The following ABCB1 variants were observed in gnomAD, a reference collection of about 807,000 sequenced individuals.
ABCB1 encodes ATP-dependent translocase ABCB1.
A neutral mutation model predicts 142.0 loss-of-function variants in ABCB1; 69 were observed. The observed-to-expected ratio is 0.49, with a 90% CI of 0.40 to 0.59. The LOEUF is 0.59. Ranked by LOEUF, ABCB1 falls within the 20% of genes least tolerant of loss-of-function variation. The probability of loss-of-function intolerance (pLI) is 0.00; values close to 1 mark genes in which losing one functional copy is unlikely to be tolerated. For synonymous variants in ABCB1, 532 were observed against 539.2 expected, an observed-to-expected ratio of 0.99 and a Z score of 0.18; for missense variants, 1,326 against 1,554.7, an observed-to-expected ratio of 0.85 and a Z score of 2.47.
intron 1 of ABCB1, among the ~76,000 whole-genome samples, chr7:87,692,454 C>T (rs1828104955): frequency 6.6e-6 from 1 of 152,150 alleles, no homozygotes; most frequent in South Asian, 2.1e-4. Flanking sequence ...GAGAACCTGT[C>T]TCTTAAACAA....
chr7:87,555,345 TA>T (rs1817260761), intron 8 of ABCB1, among the ~76,000 whole-genome samples: 1 of 152,160 alleles, frequency 6.6e-6, no homozygotes, highest in East Asian at 1.9e-4. Context: ...TACTTCCATA[TA>T]AAAGTCATAC....
chr7:87,674,352 C>G (rs1411117635), intron 1 of ABCB1, among the ~76,000 whole-genome samples: 1 of 151,980 alleles, frequency 6.6e-6, no homozygotes, highest in Non-Finnish European at 1.5e-5. Flanking sequence ...ATGGCAGGAG[C>G]AGGGTGCTGG....
chr7:87,613,263 T>C lies in ABCB1; in HGVS notation c.-330-12185A>G, dbSNP rs199561439. ...ATTTGAATGTCCTTTATTTCTTTTTTTTTTTTTTTTTTTTTTTTGCCTGAT... is the reference window on the plus strand; with the variant it reads ...ATTTGAATGTCCTTTATTTCTTTTTCTTTTTTTTTTTTTTTTTTGCCTGAT... On this transcript the variant is annotated intron_variant, in intron 1 of 28. Coordinates refer to the ABCB1 transcript ENST00000265724. 4.9e-3 allele frequency among the ~76,000 whole-genome samples: 704 copies of C among 142,646 alleles called. 6 individuals carry two copies. Among genetic ancestry groups the C allele is most frequent in the East Asian group, 0.044 (216 of 4,868 alleles). 93.6% of individuals were successfully genotyped at this position (142,646 alleles called of 152,430 possible). A position where few individuals can be genotyped will look rare whatever the true frequency, so the allele number is the denominator to read the frequency against.
intron 3 of ABCB1, among the ~76,000 whole-genome samples, chr7:87,587,643 G>A (rs530744486): frequency 9.2e-5 from 14 of 152,076 alleles, no homozygotes; most frequent in African/African-American, 3.1e-4. Context: ...AGGCCAAGGC[G>A]GGCAGATCAC....
At chr7:87,584,963 A>C (rs555919766) in intron 4 of ABCB1, among the ~76,000 whole-genome samples, 15 of 147,854 alleles carry the variant, frequency 1.0e-4, no homozygotes, top group African/African-American at 2.6e-4. Flanking sequence ...CCCCCCACAC[A>C]CACACACACA....
At chr7:87,683,576 G>C (rs896740250) in intron 1 of ABCB1, among the ~76,000 whole-genome samples, 2 of 152,180 alleles carry the variant, frequency 1.3e-5, no homozygotes, top group African/African-American at 4.8e-5. Context: ...ATGGCCGGTA[G>C]CTGGAGCATT....
Position 87,566,947 on chromosome 7 carries a change from G to A in ABCB1, c.368C>T (p.Ala123Val), listed in dbSNP as rs759986853. 2 of 1,613,958 alleles carry A rather than the reference G, an allele frequency of 1.2e-6. No homozygotes were observed. Among genetic ancestry groups the A allele is most frequent in the African/African-American group, 1.3e-5 (1 of 74,892 alleles). Residue 123 changes from alanine (A) to valine (V), a missense_variant, in exon 6 of 28, where the codon GCT becomes GTT. By Grantham distance (64) the Ala-to-Val change is moderately conservative (BLOSUM62 0). Transcript: ENST00000622132. ...RYAYYYSGIG[A>V]GVLVAAYIQV... The stretch of plus-strand genomic sequence containing the variant: ...AATGTAAGCAGCAACCAGCACCCCA[G>A]CACCAATTCCACTGTAATAATAGGC...
chr7:87,516,698 C>A lies in ABCB1; in HGVS notation c.2928-33G>T, dbSNP rs1815264955. 1.9e-6 allele frequency: 3 copies of A among 1,551,798 alleles called. No homozygotes were observed. In the East Asian group the frequency reaches 7.4e-5, roughly 38 times the overall value. The stretch of plus-strand genomic sequence containing the variant: ...GCACAAACACAAAACATGTGCACAG[C>A]ATTACCATCACAATGCTAGAAAGCT... On this transcript the variant is annotated intron_variant, in intron 23 of 27. Coordinates refer to ENST00000622132, the MANE Select transcript of ABCB1 (RefSeq NM_001348946.2).
intron 1 of ABCB1, among the ~76,000 whole-genome samples, chr7:87,679,205 G>A (rs1017110958): frequency 2.1e-5 from 3 of 143,946 alleles, no homozygotes; most frequent in African/African-American, 7.9e-5. Flanking sequence ...CCATTCTCCT[G>A]CCTCAGCCTC....
intron 1 of ABCB1, among the ~76,000 whole-genome samples, chr7:87,618,943 T>G (rs1322809496): frequency 2.6e-5 from 4 of 152,120 alleles, no homozygotes; most frequent in African/African-American, 9.7e-5. Flanking sequence ...TACCAACAAC[T>G]TGAATGAGCT....
chr7:87,558,270 GTTAGGTTTAT>G (rs1817391734), intron 8 of ABCB1, among the ~76,000 whole-genome samples: 1 of 152,210 alleles, frequency 6.6e-6, no homozygotes, highest in Non-Finnish European at 1.5e-5. Flanking sequence ...GGCACTGACT[GTTAGGTTTAT>G]TTCCATTTCA....
intron 9 of ABCB1, among the ~76,000 whole-genome samples, chr7:87,551,936 C>T (rs961215809): frequency 1.1e-4 from 16 of 151,854 alleles, no homozygotes; most frequent in African/African-American, 3.6e-4. Context: ...TTAGTAATAA[C>T]TAGTTATATG....
At chr7:87,578,693 T>C (rs974427959) in intron 4 of ABCB1, among the ~76,000 whole-genome samples, 2 of 13,924 alleles carry the variant, frequency 1.4e-4, no homozygotes, top group Admixed American at 1.2e-3. Context: ...GACTACTTTC[T>C]TTTTTTTTTT....
At chr7:87,679,399 T>C (rs531197486) in intron 1 of ABCB1, among the ~76,000 whole-genome samples, 3 of 148,972 alleles carry the variant, frequency 2.0e-5, no homozygotes, top group East Asian at 4.0e-4. Context: ...GGCCCCCAAC[T>C]TTTTTTTAAG....
intron 3 of ABCB1, among the ~76,000 whole-genome samples, chr7:87,594,775 T>A (rs1031685933): frequency 6.6e-6 from 1 of 152,190 alleles, no homozygotes; most frequent in East Asian, 1.9e-4. Context: ...AAGGGAACCA[T>A]AGAGTCCTCA....
At chr7:87,517,771 T>C (rs1815317084) in intron 23 of ABCB1, among the ~76,000 whole-genome samples, 1 of 152,206 alleles carries the variant, frequency 6.6e-6, no homozygotes, top group Admixed American at 6.5e-5. Context: ...ATCTATGACA[T>C]GGGAATCACA....
Position 87,585,846 on chromosome 7 carries a change from A to G in ABCB1, c.118-166T>C, listed in dbSNP as rs28381824. Reference sequence around the variant, plus strand: ...CTTTGCTAAATTATTGCAATAGTCTAATTAGAAATGGACATTTGATTCTTC... The same window carrying G: ...CTTTGCTAAATTATTGCAATAGTCTGATTAGAAATGGACATTTGATTCTTC... On this transcript the variant is annotated intron_variant, in intron 3 of 27. Coordinates refer to ENST00000622132, the MANE Select transcript of ABCB1 (RefSeq NM_001348946.2). 1.8e-3 allele frequency among the ~76,000 whole-genome samples: 280 copies of G among 152,328 alleles called. 2 individuals carry two copies. The highest frequency in any genetic ancestry group is 6.5e-3 in the African/African-American group (272 of 41,572).
At chr7:87,556,173 A>G (rs1291198720) in intron 8 of ABCB1, among the ~76,000 whole-genome samples, 7 of 152,242 alleles carry the variant, frequency 4.6e-5, no homozygotes, top group African/African-American at 1.4e-4. Context: ...GACTAAAGTT[A>G]TATAACAAAA....
At chr7:87,685,523 A>G (rs933846556) in intron 1 of ABCB1, among the ~76,000 whole-genome samples, 3 of 152,192 alleles carry the variant, frequency 2.0e-5, no homozygotes, top group African/African-American at 7.2e-5. Context: ...AAAAATTTCC[A>G]CACACAACAA....
Sources: allele counts gnomAD v4.1 joint callset (sites outside exome capture counted in the v4.1 genomes callset), GRCh38; gene constraint gnomAD v4.1.1; transcripts MANE v1.5; gene names NCBI Gene and HGNC (gene_info 2026-07-23, HGNC 2026-07-21).